DNAJC5: variants seen among roughly 807,000 people sequenced by gnomAD.
DNAJC5 encodes the protein dnaJ homolog subfamily C member 5.
Under a neutral mutation model 23.2 loss-of-function variants are expected in DNAJC5, and 1 was observed. The observed-to-expected ratio is 0.04, with a 90% CI of 0.02 to 0.20. The LOEUF is 0.20. DNAJC5 is among the 10% of genes least tolerant of loss of function. The probability of loss-of-function intolerance (pLI) is 1.00; values close to 1 mark genes in which losing one functional copy is unlikely to be tolerated. For missense variants in DNAJC5, 180 were observed against 267.0 expected (o/e 0.67, Z 2.27); for synonymous variants, 136 against 120.0 (o/e 1.13, Z -0.87).
chr20:63,901,225 A>G (rs2053409186), intron 1 of DNAJC5, among the ~76,000 whole-genome samples: 1 of 152,160 alleles, frequency 6.6e-6, no homozygotes, highest in East Asian at 1.9e-4. Flanking sequence ...TTGGCCTCCC[A>G]AGGTGCTGGG....
chr20:63,898,498 CAT>C (rs1314248359), intron 1 of DNAJC5, among the ~76,000 whole-genome samples: 1 of 152,136 alleles, frequency 6.6e-6, no homozygotes, highest in African/African-American at 2.4e-5. Flanking sequence ...CTGCACAAGA[CAT>C]AGAGAAGAGA....
At chr20:63,909,680 C>CAAAGAAAGAA (rs919741763) in intron 1 of DNAJC5, among the ~76,000 whole-genome samples, 2 of 152,162 alleles carry the variant, frequency 1.3e-5, no homozygotes, top group Non-Finnish European at 1.5e-5. Flanking sequence ...GACTCCGTCT[C>CAAAGAAAGAA]AAAGAAAGAA....
At chr20:63,897,533 A>C (rs142460599) in intron 1 of DNAJC5, among the ~76,000 whole-genome samples, 32 of 152,348 alleles carry the variant, frequency 2.1e-4, no homozygotes, top group African/African-American at 7.7e-4. Flanking sequence ...GCCACACTGC[A>C]CTCCAGCCTG....
chr20:63,916,576 T>C (rs2053516844), intron 1 of DNAJC5, among the ~76,000 whole-genome samples: 3 of 152,204 alleles, frequency 2.0e-5, no homozygotes, highest in Admixed American at 2.0e-4. Context: ...GCGGTGCATG[T>C]ATTGTCTTGA....
At chr20:63,900,181 G>C (rs1043877444) in intron 1 of DNAJC5, among the ~76,000 whole-genome samples, 4 of 152,022 alleles carry the variant, frequency 2.6e-5, no homozygotes, top group Non-Finnish European at 4.4e-5. Flanking sequence ...GAGCCACTGA[G>C]CCCAGCCCCA....
intron 1 of DNAJC5, among the ~76,000 whole-genome samples, chr20:63,896,455 G>A (rs951718505): frequency 3.3e-5 from 5 of 152,200 alleles, no homozygotes; most frequent in African/African-American, 1.2e-4. Flanking sequence ...GTTGCTGGCT[G>A]TGTGGACTCT....
chr20:63,924,181 T>C (rs1479309707), intron 1 of DNAJC5, among the ~76,000 whole-genome samples: 1 of 136,788 alleles, frequency 7.3e-6, no homozygotes, highest in East Asian at 3.4e-4. Flanking sequence ...CATTTCCTTA[T>C]ACATTTAAAA....
At chr20:63,915,296 A>G (rs1321774435) in intron 1 of DNAJC5, among the ~76,000 whole-genome samples, 4 of 152,154 alleles carry the variant, frequency 2.6e-5, no homozygotes, top group Non-Finnish European at 5.9e-5. Context: ...AAGCTGTAAT[A>G]TATTCTGTGA....
At chr20:63,927,581 G>A (rs914656067) in intron 1 of DNAJC5, among the ~76,000 whole-genome samples, 1 of 152,004 alleles carries the variant, frequency 6.6e-6, no homozygotes, top group African/African-American at 2.4e-5. Context: ...TTCTCTAGAT[G>A]TTGGGTGTTC....
At chr20:63,918,647 G>A (rs1293166182) in intron 1 of DNAJC5, among the ~76,000 whole-genome samples, 1 of 152,222 alleles carries the variant, frequency 6.6e-6, no homozygotes, top group African/African-American at 2.4e-5. Context: ...CCATGCTGGA[G>A]TGCAGTGGCG....
intron 1 of DNAJC5, among the ~76,000 whole-genome samples, chr20:63,918,777 G>A (rs2053536636): frequency 1.3e-5 from 2 of 152,062 alleles, no homozygotes; most frequent in East Asian, 1.9e-4. Flanking sequence ...TTGTATTTTT[G>A]TAGAGACGGG....
intron 1 of DNAJC5, among the ~76,000 whole-genome samples, chr20:63,895,547 G>A (rs2053368869): frequency 6.7e-6 from 1 of 149,834 alleles, no homozygotes; most frequent in East Asian, 1.9e-4. Flanking sequence ...CGGGAGCCGG[G>A]CCGGGCCGGG....
In DNAJC5 at chr20:63,935,404, C is replaced by T. The variant is rs1185805536; in HGVS notation, c.*3836C>T. ...AGAGGGTGTGTGCCCAGGGCACTGC[C>T]ACGGCCCCCACCAGCATTGGCCTCT... On this transcript the variant is annotated 3_prime_UTR_variant, in exon 5 of 5. Transcript: ENST00000360864. 6.6e-6 allele frequency: 1 copy of T among 152,310 alleles called. No individual in the cohort carries two copies. Among genetic ancestry groups the T allele is most frequent in the Non-Finnish European group, 1.5e-5 (1 of 68,096 alleles). 9.4% of individuals were successfully genotyped at this position (152,310 alleles called of 1,614,324 possible). A position where few individuals can be genotyped will look rare whatever the true frequency, so the allele number is the denominator to read the frequency against.
In DNAJC5 at chr20:63,933,865, CAG is replaced by C; in HGVS notation, c.*2300_*2301del. ...CACTCCAAGGCCCTTCGGTACCCAT[CAG>C]AGTGGGCCCCTTGCCAGGTGGCTTT... On this transcript the variant is annotated 3_prime_UTR_variant, in exon 5 of 5. Coordinates refer to ENST00000360864, the MANE Select transcript of DNAJC5 (RefSeq NM_025219.3). 1.3e-5 allele frequency: 2 copies of C among 152,542 alleles called. No individual in the cohort carries two copies. Among genetic ancestry groups the C allele is most frequent in the South Asian group, 4.1e-4 (2 of 4,832 alleles). The allele number at this position is 152,542 out of a possible 1,614,324, so 9.4% of individuals were successfully genotyped here.
chr20:63,912,020 A>G (rs1413745958), intron 1 of DNAJC5, among the ~76,000 whole-genome samples: 5 of 152,006 alleles, frequency 3.3e-5, no homozygotes, highest in South Asian at 4.1e-4. Context: ...TTAGGAGGAA[A>G]GGCCTAGCAC....
At position 63,929,714 on chromosome 20, in the gene DNAJC5, G is replaced by GAGTCACTCCTGCCGTGCGGGCGCCCA. The variant is rs1186462423; in HGVS notation, c.321+210_321+211insGCCCAAGTCACTCCTGCCGTGCGGGC. ...AGTCACTCCTGCCGTGCGGGCGCCC[G>GAGTCACTCCTGCCGTGCGGGCGCCCA]AGTCACTCCTGCCGTGCGGGCACCC... On this transcript the variant is annotated intron_variant, in intron 3 of 4. Transcript: ENST00000360864. The surrounding 1 kb of genome is among the most constrained non-coding windows in gnomAD (Gnocchi z 8.6). Among the ~76,000 whole-genome samples the GAGTCACTCCTGCCGTGCGGGCGCCCA allele has an allele frequency of 2.7e-5, 4 of 150,890 alleles. 1 individual carries two copies. Among genetic ancestry groups the GAGTCACTCCTGCCGTGCGGGCGCCCA allele is most frequent in the African/African-American group, 9.9e-5 (4 of 40,446 alleles).
At position 63,909,484 on chromosome 20, in the gene DNAJC5, C is replaced by T. The variant is rs184570710; in HGVS notation, c.-12+14161C>T. ...CGCCACTGCACTGCAGCCTGGGCGA[C>T]AGAGCGAGATTCCGTCTCAAAAACA... On this transcript the variant is annotated intron_variant, in intron 1 of 4. Transcript: ENST00000360864. 3.4e-4 allele frequency among the ~76,000 whole-genome samples: 52 copies of T among 152,240 alleles called. No individual in the cohort carries two copies. The East Asian group carries it at 0.01, about 29-fold the overall frequency.
chr20:63,934,618 C>T lies in DNAJC5; in HGVS notation c.*3050C>T, dbSNP rs1443859641. ...ACTCAGTGACGTGGGATTTTTTTGTCTTCCTTTTGGCTTTATTTTTAAACT... is the reference window on the plus strand; with the variant it reads ...ACTCAGTGACGTGGGATTTTTTTGTTTTCCTTTTGGCTTTATTTTTAAACT... On this transcript the variant is annotated 3_prime_UTR_variant, in exon 5 of 5. Coordinates refer to ENST00000360864, the MANE Select transcript of DNAJC5 (RefSeq NM_025219.3). The T allele has an allele frequency of 1.3e-5, 2 of 152,258 alleles. No homozygotes were observed. The highest frequency in any genetic ancestry group is 2.9e-5 in the Non-Finnish European group (2 of 68,054). 9.4% of individuals were successfully genotyped at this position (152,258 alleles called of 1,614,324 possible).
rs1290187150 is a variant in DNAJC5, at chr20:63,902,715, G to A, written c.-12+7392G>A. 6.1e-5 allele frequency among the ~76,000 whole-genome samples: 8 copies of A among 130,168 alleles called. No individual in the cohort carries two copies. In the South Asian group the frequency reaches 9.8e-4, roughly 16 times the overall value. The allele number at this position is 130,168 out of a possible 152,430, so 85.4% of individuals were successfully genotyped here. On this transcript the variant is annotated intron_variant, in intron 1 of 4. Transcript: ENST00000360864. ...TTTTGAGACAGAGTCTTGCTCTGTC[G>A]CCCAGGCTGGAGTGCAGTGACTCAG... is the stretch of plus-strand genomic sequence containing the variant.
Sources: gnomAD v4.1 joint callset for allele counts (sites outside exome capture counted in the v4.1 genomes callset) on GRCh38, gnomAD v4.1.1 for gene constraint, Gnocchi (gnomAD v3.1) non-coding constraint, MANE v1.5 for transcripts, NCBI Gene and HGNC (gene_info 2026-07-23, HGNC 2026-07-21) for gene names.